The following LRRC74A variants were observed in gnomAD, a reference collection of about 807,000 sequenced individuals.
The protein encoded by LRRC74A is leucine-rich repeat-containing protein 74A.
LRRC74A carries 44 observed loss-of-function variants against 57.9 expected under a neutral mutation model. That is an observed-to-expected ratio of 0.76 (90% CI 0.60 to 0.98). LRRC74A has a LOEUF of 0.98. Among genes scored for constraint, LRRC74A ranks in the 50% least tolerant of loss-of-function variants. The probability of loss-of-function intolerance (pLI) is 0.00; values close to 1 mark genes in which losing one functional copy is unlikely to be tolerated. For missense variants in LRRC74A, 572 were observed against 574.0 expected (o/e 1.00, Z 0.04); for synonymous variants, 211 against 219.4 (o/e 0.96, Z 0.34).
At chr14:76,831,789 A>G (rs1347861028) in intron 3 of LRRC74A, among the ~76,000 whole-genome samples, 1 of 152,068 alleles carries the variant, frequency 6.6e-6, no homozygotes, top group African/African-American at 2.4e-5. Context: ...ATTCCATTCA[A>G]TGTCTGCCTT....
intron 7 of LRRC74A, among the ~76,000 whole-genome samples, chr14:76,846,932 T>C (rs1897149967): frequency 6.6e-6 from 1 of 152,146 alleles, no homozygotes; most frequent in African/African-American, 2.4e-5. Context: ...CATAGGTATA[T>C]AGATGTATTT....
At chr14:76,834,697 T>C (rs900393854) in intron 3 of LRRC74A, among the ~76,000 whole-genome samples, 42 of 152,164 alleles carry the variant, frequency 2.8e-4, no homozygotes, top group Admixed American at 1.7e-3. Flanking sequence ...GAAATAAATG[T>C]GGATGGATTT....
chr14:76,833,421 G>A (rs1896102008), intron 3 of LRRC74A, among the ~76,000 whole-genome samples: 1 of 147,154 alleles, frequency 6.8e-6, no homozygotes, highest in Non-Finnish European at 1.5e-5. Context: ...AGAGAGAGAT[G>A]CCACATTCAC....
At chr14:76,843,891 G>A (rs1257098928) in intron 5 of LRRC74A, among the ~76,000 whole-genome samples, 1 of 151,968 alleles carries the variant, frequency 6.6e-6, no homozygotes, top group East Asian at 1.9e-4. Context: ...AGTAGAGACA[G>A]GGTTTTGCCA....
chr14:76,826,851 T>G, intron 1 of LRRC74A, 117 bp downstream of exon 1: 1 of 621,722 alleles, frequency 1.6e-6, no homozygotes, highest in South Asian at 1.6e-5. Context: ...CCTCTAGAAG[T>G]AGGATGATTT....
At chr14:76,860,628 C>T (rs1566741408) in intron 10 of LRRC74A, 65 bp from the exon 11 acceptor site, 2 of 1,451,532 alleles carry the variant, frequency 1.4e-6, no homozygotes, top group East Asian at 4.9e-5. Context: ...GGGTAGGGTG[C>T]ACTGGTTGGG....
At chr14:76,857,664 TAGTC>T (rs765610608) in intron 10 of LRRC74A, among the ~76,000 whole-genome samples, 189 bp downstream of exon 10, 2 of 152,172 alleles carry the variant, frequency 1.3e-5, no homozygotes, top group Non-Finnish European at 2.9e-5. Flanking sequence ...GAGTAGCTAT[TAGTC>T]AGTAACATCA....
intron 8 of LRRC74A, 30 bp from the exon 9 acceptor site, chr14:76,853,186 T>TGA (rs753851602): frequency 1.9e-6 from 3 of 1,567,870 alleles, no homozygotes; most frequent in Non-Finnish European, 2.6e-6. Context: ...GTAACCTTGA[T>TGA]GCTGGTGCTG....
chr14:76,853,439 G>GTGTGTT (rs1566735843), intron 9 of LRRC74A, 29 bp downstream of exon 9: 1 of 1,365,526 alleles, frequency 7.3e-7, no homozygotes, highest in Non-Finnish European at 9.9e-7. Flanking sequence ...GGGTGTGTGT[G>GTGTGTT]TGTGTGTGTG....
At chr14:76,856,994 G>C (rs937226942) in intron 9 of LRRC74A, among the ~76,000 whole-genome samples, 4 of 151,602 alleles carry the variant, frequency 2.6e-5, no homozygotes, top group African/African-American at 9.7e-5. Context: ...TGGATGGATG[G>C]ATGGATGGAT....
intron 12 of LRRC74A, 44 bp downstream of exon 12, chr14:76,866,119 T>G: frequency 7.4e-7 from 1 of 1,343,050 alleles, no homozygotes; most frequent in Non-Finnish European, 1.0e-6. Context: ...TGAGTGTGAG[T>G]GTGAGTTTGT....
chr14:76,839,846 T>C (rs369925303), intron 5 of LRRC74A, among the ~76,000 whole-genome samples: 262 of 152,262 alleles, frequency 1.7e-3, no homozygotes, highest in African/African-American at 5.8e-3. Flanking sequence ...TTCTCCTGCC[T>C]CAGCCTCCTG....
intron 7 of LRRC74A, among the ~76,000 whole-genome samples, chr14:76,851,855 G>A (rs914102250): frequency 1.3e-5 from 2 of 151,748 alleles, no homozygotes; most frequent in Admixed American, 6.6e-5. Flanking sequence ...TAGTAGAGAC[G>A]CAGTTTCACC....
At position 76,826,434 on chromosome 14, in the gene LRRC74A, C is replaced by A; in HGVS notation, c.-264C>A. ...CAGGGCTCCCAGCAATAGAGCAGTCCCACTCTCCCAGATGAGCTGGAGAAG... is the reference window on the plus strand; with the variant it reads ...CAGGGCTCCCAGCAATAGAGCAGTCACACTCTCCCAGATGAGCTGGAGAAG... On this transcript the variant is annotated 5_prime_UTR_variant, in exon 1 of 14. Coordinates refer to ENST00000689127, the MANE Select transcript of LRRC74A (RefSeq NM_001385106.1). The A allele has an allele frequency of 1.6e-6, 2 of 1,282,924 alleles. No individual in the cohort carries two copies. Among genetic ancestry groups the A allele is most frequent in the Non-Finnish European group, 2.2e-6 (2 of 924,302 alleles). 79.5% of individuals were successfully genotyped at this position (1,282,924 alleles called of 1,614,324 possible). A position where few individuals can be genotyped will look rare whatever the true frequency, so the allele number is the denominator to read the frequency against.
intron 3 of LRRC74A, 60 bp downstream of exon 3, chr14:76,831,435 A>G: frequency 6.3e-7 from 1 of 1,581,858 alleles, no homozygotes; most frequent in African/African-American, 1.3e-5. Context: ...GCAGAGTGGT[A>G]GGCCCAAGAT....
intron 7 of LRRC74A, among the ~76,000 whole-genome samples, chr14:76,848,308 AAAATAAATAAAT>A (rs138653406): frequency 4.8e-5 from 7 of 146,152 alleles, no homozygotes; most frequent in African/African-American, 1.3e-4. Context: ...ATTACTTTCA[AAAATAAATAAAT>A]AAATAAATAA....
intron 5 of LRRC74A, among the ~76,000 whole-genome samples, chr14:76,841,542 C>T (rs1896770326): frequency 6.6e-6 from 1 of 150,756 alleles, no homozygotes; most frequent in African/African-American, 2.4e-5. Context: ...TTGTCAAGTT[C>T]TATTTAAGAA....
intron 1 of LRRC74A, among the ~76,000 whole-genome samples, chr14:76,827,852 CCCCTGCCCTG>C (rs951512962): frequency 6.6e-6 from 1 of 152,162 alleles, no homozygotes; most frequent in African/African-American, 2.4e-5. Flanking sequence ...GTTGTCACCT[CCCCTGCCCTG>C]CCCTGCCCCT....
rs1197009541 is a variant in LRRC74A at position 76,857,489 on chromosome 14, T to C, written c.1053+14T>C. On this transcript the variant is annotated intron_variant, in intron 10 of 13. Transcript: ENST00000689127. Reference sequence around the variant, plus strand: ...CTTGATATTTCCGTAAGTGATCAAATGGTAGTTGCTTGCGTCTGGGCACAA... The same window carrying C: ...CTTGATATTTCCGTAAGTGATCAAACGGTAGTTGCTTGCGTCTGGGCACAA... 4 of 1,547,762 alleles carry C rather than the reference T, an allele frequency of 2.6e-6. No homozygotes were observed. The highest frequency in any genetic ancestry group is 1.7e-4 in the Middle Eastern group (1 of 5,974).
Sources: allele counts gnomAD v4.1 joint callset (sites outside exome capture counted in the v4.1 genomes callset), GRCh38; gene constraint gnomAD v4.1.1; transcripts MANE v1.5; gene names NCBI Gene and HGNC (gene_info 2026-07-23, HGNC 2026-07-21).